Variants in MYH9 observed in about 807,000 individuals in gnomAD.
The protein encoded by MYH9 is myosin-9.
MYH9 carries 29 observed loss-of-function variants against 241.9 expected under a neutral mutation model. The ratio of observed to expected loss-of-function variants is 0.12; its 90% CI spans 0.09 to 0.16. MYH9 has a LOEUF of 0.16. Ranked by LOEUF, MYH9 falls within the 10% of genes least tolerant of loss-of-function variation. The pLI is 1.00. For missense variants in MYH9, 1,803 were observed against 2,595.5 expected (o/e 0.69, Z 6.63); for synonymous variants, 1,047 against 1,062.6 (o/e 0.99, Z 0.29).
rs138526426 is a variant in MYH9 at position 36,349,105 on chromosome 22, G to A, written c.132C>T (p.Ala44=). The A allele has an allele frequency of 1.5e-4, 238 of 1,614,072 alleles. No homozygotes were observed. Among genetic ancestry groups the A allele is most frequent in the Non-Finnish European group, 1.9e-4 (227 of 1,180,042 alleles). ...CTTCGCCCACCTCCTCCTTGAGGCT[G>A]GCTGGCTCAAAGCCACTCTTGTCGG... is the stretch of plus-strand genomic sequence containing the variant. ...VPSDKSGFEP[A]SLKEEVGEEA... Residue 44 remains alanine (A), a synonymous_variant, in exon 2 of 41, where the codon GCC becomes GCT. Coordinates refer to ENST00000216181, the MANE Select transcript of MYH9 (RefSeq NM_002473.6).
intron 1 of MYH9, among the ~76,000 whole-genome samples, chr22:36,358,501 T>C (rs543466328): frequency 4.6e-5 from 7 of 152,208 alleles, no homozygotes; most frequent in South Asian, 2.1e-4. Context: ...TTAATAAATA[T>C]ATTTAAACAC....
rs1201940713 is a variant in MYH9, at chr22:36,296,905, C to A, written c.3210G>T (p.Gln1070His). 1 of 1,613,870 alleles carries A rather than the reference C, an allele frequency of 6.2e-7. No individual in the cohort carries two copies. Among genetic ancestry groups the A allele is most frequent in the South Asian group, 1.1e-5 (1 of 91,086 alleles). ...LSDQIAELQA[Q>H]IAELKMQLAK... ...CCAGCTGCATCTTGAGCTCCGCGAT[C>A]TGGGCCTGGAGCTCGGCGATCTGGT... The change falls in exon 25 of 41, where the codon CAG becomes CAT. Residue 1070 changes from glutamine to histidine, a missense_variant. Gln to His is a conservative substitution (Grantham distance 24, BLOSUM62 0). This residue lies in a region of MYH9 where 290 missense variants were observed against 360.5 expected (regional missense o/e 0.80). Transcript: ENST00000216181.
intron 1 of MYH9, among the ~76,000 whole-genome samples, chr22:36,352,482 G>A (rs1219106247): frequency 1.3e-5 from 2 of 152,236 alleles, no homozygotes; most frequent in South Asian, 2.1e-4. Flanking sequence ...CTGGCTTCTC[G>A]GCAGCCCATG....
chr22:36,349,237 G>A lies in MYH9; in HGVS notation c.-1C>T, dbSNP rs144345740. ...ACTTATCGGCAGCTTGCTGTGCCAT[G>A]GTGACTTATAGCCAGGACCTAAGCG... On this transcript the variant is annotated 5_prime_UTR_variant, in exon 2 of 41. Transcript: ENST00000216181. The A allele has an allele frequency of 6.2e-7, 1 of 1,614,046 alleles. No homozygotes were observed. Among genetic ancestry groups the A allele is most frequent in the African/African-American group, 1.3e-5 (1 of 75,052 alleles).
At chr22:36,299,521 C>A (rs898402485) in intron 23 of MYH9, among the ~76,000 whole-genome samples, 1 of 152,178 alleles carries the variant, frequency 6.6e-6, no homozygotes, top group Non-Finnish European at 1.5e-5. Context: ...CCCTGCCCAG[C>A]GGCCACAGCT....
At chr22:36,314,452 G>A (rs2146357031) in intron 12 of MYH9, 134 bp from the exon 13 acceptor site, 2 of 1,107,432 alleles carry the variant, frequency 1.8e-6, no homozygotes, top group African/African-American at 1.6e-5. Context: ...TGCCTTTAGA[G>A]CCCGGATGCT....
intron 1 of MYH9, among the ~76,000 whole-genome samples, chr22:36,366,517 C>G (rs545586615): frequency 3.4e-4 from 52 of 152,260 alleles, no homozygotes; most frequent in African/African-American, 1.2e-3. Flanking sequence ...AAGGGTCACG[C>G]GGCCCCTCCC....
intron 1 of MYH9, among the ~76,000 whole-genome samples, chr22:36,367,109 A>C (rs1873650046): frequency 1.3e-5 from 2 of 152,192 alleles, no homozygotes; most frequent in South Asian, 4.1e-4. Context: ...TCACAAGCTC[A>C]AAGGTAATGG....
intron 1 of MYH9, among the ~76,000 whole-genome samples, chr22:36,381,379 T>C (rs2018252591): frequency 1.3e-5 from 2 of 151,888 alleles, no homozygotes; most frequent in South Asian, 4.2e-4. Flanking sequence ...TAGCTGGGCA[T>C]AGTGGCGCAC....
At chr22:36,334,245 T>C (rs1045217937) in intron 3 of MYH9, among the ~76,000 whole-genome samples, 11 of 152,210 alleles carry the variant, frequency 7.2e-5, no homozygotes, top group African/African-American at 2.7e-4. Flanking sequence ...CTTTCCTTCC[T>C]GGAGGAGCAG....
chr22:36,338,695 C>T (rs950691778), intron 3 of MYH9, among the ~76,000 whole-genome samples: 4 of 152,002 alleles, frequency 2.6e-5, no homozygotes, highest in Non-Finnish European at 5.9e-5. Context: ...TAGCATGCAC[C>T]TGTAATCCCA....
chr22:36,368,783 G>A lies in MYH9; in HGVS notation c.-20+19024C>T, dbSNP rs114187954. Reference sequence around the variant, plus strand: ...TCTGACTCCCAACCACAACCAATTCGGAATGCCCCAGGTCCTGCAGCACAA... The same window carrying A: ...TCTGACTCCCAACCACAACCAATTCAGAATGCCCCAGGTCCTGCAGCACAA... On this transcript the variant is annotated intron_variant, in intron 1 of 40. Transcript: ENST00000216181. Among the ~76,000 whole-genome samples the A allele has an allele frequency of 8.9e-3, 1,348 of 152,020 alleles. 22 individuals carry two copies. The highest frequency in any genetic ancestry group is 0.03 in the African/African-American group (1,250 of 41,418).
intron 3 of MYH9, among the ~76,000 whole-genome samples, chr22:36,339,993 A>C (rs1603483835): frequency 2.0e-5 from 3 of 152,282 alleles, no homozygotes; most frequent in Admixed American, 2.0e-4. Flanking sequence ...TGTTTTTAAA[A>C]AAAGAATAGG....
chr22:36,343,333 C>T (rs910115648), intron 2 of MYH9, among the ~76,000 whole-genome samples: 19 of 151,966 alleles, frequency 1.3e-4, no homozygotes, highest in Non-Finnish European at 2.4e-4. Flanking sequence ...GCCAGGAGTT[C>T]GAGACCAGCC....
intron 27 of MYH9, 139 bp from the exon 28 acceptor site, chr22:36,294,437 G>A (rs920282297): frequency 4.6e-6 from 4 of 870,592 alleles, no homozygotes; most frequent in African/African-American, 1.7e-5. Context: ...GGACTCAGAC[G>A]GCTCGGGCCT....
At chr22:36,299,088 G>A (rs772590173) in intron 23 of MYH9, 46 bp from the exon 24 acceptor site, 2 of 1,612,554 alleles carry the variant, frequency 1.2e-6, no homozygotes, top group Admixed American at 3.3e-5. Context: ...GTTGAGCACA[G>A]AACACTTGCT....
intron 1 of MYH9, among the ~76,000 whole-genome samples, chr22:36,384,183 A>C (rs2018302580): frequency 6.6e-6 from 1 of 151,502 alleles, no homozygotes; most frequent in African/African-American, 2.4e-5. Flanking sequence ...AGGCAGAAGA[A>C]TCGCTTAAAC....
intron 3 of MYH9, among the ~76,000 whole-genome samples, chr22:36,332,936 T>C (rs1397686728): frequency 1.3e-5 from 2 of 151,864 alleles, no homozygotes; most frequent in East Asian, 1.9e-4. Context: ...CACATACGAG[T>C]GCTGACCACC....
At position 36,295,757 on chromosome 22, in the gene MYH9, C is replaced by G. The variant is rs1380601418; in HGVS notation, c.3273-40G>C. On this transcript the variant is annotated intron_variant, in intron 25 of 40. Coordinates refer to ENST00000216181, the MANE Select transcript of MYH9 (RefSeq NM_002473.6). This position sits in a 1 kb window ranked among gnomAD's most constrained non-coding sequence, Gnocchi z 4.1. ...AGCAACATCAGTATAAGGAGAGTTT[C>G]ACCTCCAAGGAGCAGAGTTTGCAGG... The G allele has an allele frequency of 6.4e-7, 1 of 1,570,590 alleles. No homozygotes were observed. Among genetic ancestry groups the G allele is most frequent in the East Asian group, 2.3e-5 (1 of 44,346 alleles).
Sources: gnomAD v4.1 joint callset for allele counts (sites outside exome capture counted in the v4.1 genomes callset) on GRCh38, gnomAD v4.1.1 for gene constraint, gnomAD v4.1.1 regional missense constraint, Gnocchi (gnomAD v3.1) non-coding constraint, MANE v1.5 for transcripts, NCBI Gene and HGNC (gene_info 2026-07-23, HGNC 2026-07-21) for gene names.